Variants in RYR2 observed in about 807,000 individuals in gnomAD.
RYR2 encodes the protein ryanodine receptor 2, also known as cardiac muscle ryanodine receptor-calcium release channel.
A neutral mutation model predicts 601.1 loss-of-function variants in RYR2; 227 were observed. The observed-to-expected ratio is 0.38, with a 90% CI of 0.34 to 0.42. The LOEUF (loss-of-function observed/expected upper bound fraction) is 0.42. RYR2 is among the 10% of genes least tolerant of loss of function. The pLI is 1.00. For missense variants in RYR2, 4,646 were observed against 6,156.5 expected, an observed-to-expected ratio of 0.75 and a Z score of 8.21; for synonymous variants, 2,223 against 2,175.1, an observed-to-expected ratio of 1.02 and a Z score of -0.61.
At chr1:237,383,429 T>G (rs1473837526) in intron 8 of RYR2, among the ~76,000 whole-genome samples, 35 of 76,538 alleles carry the variant, frequency 4.6e-4, no homozygotes, top group African/African-American at 1.9e-3. Flanking sequence ...TTTTTTTTTT[T>G]TTTTTTTTTT....
At position 237,631,923 on chromosome 1, in the gene RYR2, G is replaced by A. The variant is rs570814879; in HGVS notation, c.6555+382G>A. Among the ~76,000 whole-genome samples the A allele has an allele frequency of 4.8e-3, 728 of 151,722 alleles. 4 individuals carry two copies. The highest frequency in any genetic ancestry group is 9.9e-3 in the African/African-American group (409 of 41,370). On this transcript the variant is annotated intron_variant, in intron 42 of 104. Transcript: ENST00000366574. Reference sequence around the variant, plus strand: ...GCTGGGATTACAGGCGTGAGCCACCGCGCCCAGCCCAGATTGTAGATTCTT... The same window carrying A: ...GCTGGGATTACAGGCGTGAGCCACCACGCCCAGCCCAGATTGTAGATTCTT...
At chr1:237,300,413 G>A (rs898775401) in intron 2 of RYR2, among the ~76,000 whole-genome samples, 4 of 152,000 alleles carry the variant, frequency 2.6e-5, no homozygotes, top group Non-Finnish European at 5.9e-5. Context: ...GGCTATCTTG[G>A]GACTATACCG....
chr1:237,114,116 G>A (rs1036249726), intron 1 of RYR2, among the ~76,000 whole-genome samples: 4 of 152,160 alleles, frequency 2.6e-5, no homozygotes, highest in African/African-American at 9.7e-5. Flanking sequence ...ACTGGTATAA[G>A]TTTATATCAA....
At chr1:237,677,056 G>A (rs1379049806) in intron 60 of RYR2, among the ~76,000 whole-genome samples, 1 of 152,056 alleles carries the variant, frequency 6.6e-6, no homozygotes, top group Non-Finnish European at 1.5e-5. Context: ...ACTTGTTCAT[G>A]GGGAGAGCAT....
At chr1:237,281,717 C>T (rs1690893818) in intron 2 of RYR2, among the ~76,000 whole-genome samples, 1 of 152,198 alleles carries the variant, frequency 6.6e-6, no homozygotes, top group South Asian at 2.1e-4. Flanking sequence ...CCATTCTGTT[C>T]TGGAAGCCTT....
At chr1:237,449,413 T>A (rs1657792635) in intron 14 of RYR2, among the ~76,000 whole-genome samples, 14 of 152,184 alleles carry the variant, frequency 9.2e-5, no homozygotes. Flanking sequence ...ATAGTATACT[T>A]CCCTCCCAGT....
At chr1:237,310,975 A>T (rs1694492039) in intron 2 of RYR2, among the ~76,000 whole-genome samples, 1 of 152,210 alleles carries the variant, frequency 6.6e-6, no homozygotes, top group South Asian at 2.1e-4. Flanking sequence ...ACAAAATATC[A>T]ATTTAGTAGG....
At chr1:237,400,245 C>T (rs1703225459) in intron 10 of RYR2, among the ~76,000 whole-genome samples, 1 of 152,142 alleles carries the variant, frequency 6.6e-6, no homozygotes, top group Non-Finnish European at 1.5e-5. Context: ...TTTTTTAAGG[C>T]ATTCATAGAG....
At chr1:237,685,499 A>C (rs1421661938) in intron 62 of RYR2, among the ~76,000 whole-genome samples, 2 of 152,236 alleles carry the variant, frequency 1.3e-5, no homozygotes, top group Non-Finnish European at 2.9e-5. Context: ...AGTAAGACCT[A>C]ATCCTAGCAT....
chr1:237,529,010 A>T (rs770586284), intron 24 of RYR2, among the ~76,000 whole-genome samples: 1 of 152,086 alleles, frequency 6.6e-6, no homozygotes, highest in Non-Finnish European at 1.5e-5. Context: ...ATACTTTTAC[A>T]GCCTTGTGAT....
In RYR2 at chr1:237,674,749, A is replaced by G; in HGVS notation, c.8733A>G (p.Glu2911=). Residue 2911 remains glutamate (E), a synonymous_variant, in exon 60 of 105, where the codon GAA becomes GAG. Transcript: ENST00000366574. ...CTTCCAGAGGATTTAAGGACCTGGA[A>G]CTGGACACGCCTTCTATTGAGAAAC... ...YAVSRGFKDL[E]LDTPSIEKRF... is the part of the protein sequence containing the mutation. The G allele has an allele frequency of 6.2e-7, 1 of 1,611,152 alleles. No individual in the cohort carries two copies. The highest frequency in any genetic ancestry group is 8.5e-7 in the Non-Finnish European group (1 of 1,177,668).
intron 1 of RYR2, among the ~76,000 whole-genome samples, chr1:237,100,426 A>C (rs1667958203): frequency 1.4e-5 from 2 of 145,168 alleles, no homozygotes; most frequent in African/African-American, 2.6e-5. Context: ...TCACTCTTTC[A>C]CCCAAGCTGG....
At chr1:237,592,746 T>C (rs1675357850) in intron 32 of RYR2, among the ~76,000 whole-genome samples, 1 of 151,704 alleles carries the variant, frequency 6.6e-6, no homozygotes, top group South Asian at 2.1e-4. Flanking sequence ...ATTGGCCAGG[T>C]GCGGTGACTC....
At chr1:237,404,609 C>T (rs900996531) in intron 10 of RYR2, among the ~76,000 whole-genome samples, 1 of 152,138 alleles carries the variant, frequency 6.6e-6, no homozygotes, top group African/African-American at 2.4e-5. Context: ...TATATAATTC[C>T]TCCCTTTTTG....
intron 38 of RYR2, among the ~76,000 whole-genome samples, chr1:237,623,246 G>A (rs1157879980): frequency 1.3e-5 from 2 of 152,074 alleles, no homozygotes; most frequent in African/African-American, 4.8e-5. Flanking sequence ...TGGATGATTT[G>A]ATTTATTCTG....
intron 1 of RYR2, among the ~76,000 whole-genome samples, chr1:237,107,018 A>G (rs1016969155): frequency 6.6e-6 from 1 of 152,166 alleles, no homozygotes. Flanking sequence ...AGTCTGTAAC[A>G]CAAAGGGAGG....
chr1:237,405,915 A>C (rs879767435), intron 10 of RYR2, among the ~76,000 whole-genome samples: 1 of 91,168 alleles, frequency 1.1e-5, no homozygotes, highest in African/African-American at 3.2e-5. Flanking sequence ...TCTTAACTTT[A>C]TCTCTTCATC....
intron 16 of RYR2, among the ~76,000 whole-genome samples, chr1:237,459,045 C>T (rs1010715755): frequency 2.0e-5 from 3 of 152,148 alleles, no homozygotes; most frequent in African/African-American, 7.2e-5. Flanking sequence ...ATCATTTTAC[C>T]CACAGTAACG....
intron 62 of RYR2, among the ~76,000 whole-genome samples, chr1:237,681,544 A>G (rs1251005298): frequency 1.3e-5 from 2 of 152,232 alleles, no homozygotes; most frequent in South Asian, 2.1e-4. Context: ...TTGCAACAGT[A>G]TAAAACATGT....
Sources: allele counts gnomAD v4.1 joint callset (sites outside exome capture counted in the v4.1 genomes callset), GRCh38; gene constraint gnomAD v4.1.1; transcripts MANE v1.5; gene names NCBI Gene and HGNC (gene_info 2026-07-23, HGNC 2026-07-21).